GRIP1: variants seen among roughly 807,000 people sequenced by gnomAD.
The protein encoded by GRIP1 is glutamate receptor-interacting protein 1.
A neutral mutation model predicts 129.9 loss-of-function variants in GRIP1; 45 were observed. The observed-to-expected ratio is 0.35, with a 90% CI of 0.27 to 0.44. GRIP1 has a LOEUF of 0.44. GRIP1 is among the 20% of genes least tolerant of loss of function. The pLI, the probability that GRIP1 is intolerant of heterozygous loss-of-function variation, is 1.00. For synonymous variants in GRIP1, 530 were observed against 520.8 expected (o/e 1.02, Z -0.24); for missense variants, 1,196 against 1,396.8 (o/e 0.86, Z 2.29).
chr12:66,728,203 T>C (rs991370252), intron 1 of GRIP1, among the ~76,000 whole-genome samples: 3 of 152,246 alleles, frequency 2.0e-5, no homozygotes, highest in Non-Finnish European at 2.9e-5. Context: ...AATTTCCTTA[T>C]GTTACTTTTT....
intron 1 of GRIP1, among the ~76,000 whole-genome samples, chr12:66,715,377 G>A (rs2035845297): frequency 6.6e-6 from 1 of 151,236 alleles, no homozygotes; most frequent in Non-Finnish European, 1.5e-5. Flanking sequence ...TCACTTATTG[G>A]ATGAACAAAT....
chr12:66,620,221 A>G (rs1370281715), intron 1 of GRIP1, among the ~76,000 whole-genome samples: 1 of 152,216 alleles, frequency 6.6e-6, no homozygotes, highest in Non-Finnish European at 1.5e-5. Context: ...GTCTTAGATT[A>G]AAATGAGTCA....
At position 66,615,101 on chromosome 12, in the gene GRIP1, G is replaced by A. The variant is rs150633576; in HGVS notation, c.56-18174C>T. On this transcript the variant is annotated intron_variant, in intron 1 of 24. Transcript: ENST00000359742. ...CCTTACTAGAGTATAAACTCCATAA[G>A]AGCAGGAGTCTTGTATATTGTCTAT... 1.4e-4 allele frequency among the ~76,000 whole-genome samples: 22 copies of A among 152,208 alleles called. No individual in the cohort carries two copies. The East Asian group carries it at 3.9e-3, about 27-fold the overall frequency.
At position 66,406,311 on chromosome 12, in the gene GRIP1, G is replaced by A; in HGVS notation, c.1956C>T (p.Leu652=). 2 of 1,614,130 alleles carry A rather than the reference G, an allele frequency of 1.2e-6. No homozygotes were observed. The highest frequency in any genetic ancestry group is 1.7e-6 in the Non-Finnish European group (2 of 1,180,000). ...ILQQCEDLVK[L]KIRKDEDNSD... is the part of the protein sequence containing the mutation. Reference sequence around the variant, plus strand: ...AATTATCTTCATCTTTGCGGATTTTGAGCTTCACCAGGTCTTCACATTGCT... The same window carrying A: ...AATTATCTTCATCTTTGCGGATTTTAAGCTTCACCAGGTCTTCACATTGCT... The change falls in exon 16 of 25, where the codon CTC becomes CTT. Residue 652 remains leucine (L), a synonymous_variant. Transcript: ENST00000359742.
At chr12:66,857,791 T>C (rs570353665) in intron 1 of GRIP1, among the ~76,000 whole-genome samples, 3 of 152,062 alleles carry the variant, frequency 2.0e-5, no homozygotes, top group East Asian at 1.9e-4. Context: ...TAAGCTATCA[T>C]AGAAAGAGGA....
intron 1 of GRIP1, among the ~76,000 whole-genome samples, chr12:66,647,830 G>A (rs932706516): frequency 6.6e-6 from 1 of 152,138 alleles, no homozygotes; most frequent in Admixed American, 6.5e-5. Context: ...GATCAGAGAT[G>A]ATGGGTTTTG....
At chr12:66,582,782 C>G (rs1832008093) in intron 2 of GRIP1, among the ~76,000 whole-genome samples, 1 of 145,624 alleles carries the variant, frequency 6.9e-6, no homozygotes, top group Non-Finnish European at 1.5e-5. Context: ...GAAGAACATT[C>G]CATGCTCATG....
intron 1 of GRIP1, among the ~76,000 whole-genome samples, chr12:66,994,835 A>G (rs1433831645): frequency 6.6e-6 from 1 of 152,098 alleles, no homozygotes; most frequent in Non-Finnish European, 1.5e-5. Flanking sequence ...AGAAAATGAC[A>G]AGCTGATTTT....
At chr12:66,710,796 G>A (rs1282828854) in intron 1 of GRIP1, among the ~76,000 whole-genome samples, 2 of 151,810 alleles carry the variant, frequency 1.3e-5, no homozygotes, top group Admixed American at 1.3e-4. Context: ...ACCACATATT[G>A]CTATTCAGGC....
In GRIP1 at chr12:66,348,991, C is replaced by G; in HGVS notation, c.*28G>C. On this transcript the variant is annotated 3_prime_UTR_variant, in exon 25 of 25. Coordinates refer to ENST00000359742, the MANE Select transcript of GRIP1 (RefSeq NM_001366722.1). ...ATTTTTAGCACCATGTAGATATTGT[C>G]TTTTGTCCTGCTTTATAAAAAGCGT... The G allele has an allele frequency of 6.9e-7, 1 of 1,454,828 alleles. No individual in the cohort carries two copies. Among genetic ancestry groups the G allele is most frequent in the Non-Finnish European group, 9.7e-7 (1 of 1,034,222 alleles). The allele number at this position is 1,454,828 out of a possible 1,614,324, so 90.1% of individuals were successfully genotyped here.
chr12:66,803,477 T>C (rs2038914075), intron 1 of GRIP1, among the ~76,000 whole-genome samples: 1 of 152,210 alleles, frequency 6.6e-6, no homozygotes, highest in Non-Finnish European at 1.5e-5. Flanking sequence ...AATATAGACA[T>C]ATTACGGATA....
At chr12:66,636,161 G>A (rs895112544) in intron 1 of GRIP1, among the ~76,000 whole-genome samples, 4 of 152,128 alleles carry the variant, frequency 2.6e-5, no homozygotes, top group Admixed American at 2.6e-4. Flanking sequence ...GGCAAAAAGG[G>A]GCAAATACTG....
intron 9 of GRIP1, among the ~76,000 whole-genome samples, chr12:66,462,013 T>C (rs1208873050): frequency 1.3e-5 from 2 of 152,158 alleles, no homozygotes; most frequent in Non-Finnish European, 2.9e-5. Context: ...GATTTGGGGC[T>C]CAAAGACCCC....
At chr12:66,569,338 G>C (rs1301644498) in intron 2 of GRIP1, 1 of 159,220 alleles carries the variant, frequency 6.3e-6, no homozygotes, top group African/African-American at 2.4e-5. Flanking sequence ...TTAGCTGGGT[G>C]CGGTGGCAGG....
intron 7 of GRIP1, among the ~76,000 whole-genome samples, chr12:66,467,471 GT>G (rs1164176772): frequency 1.3e-5 from 2 of 152,146 alleles, no homozygotes. Flanking sequence ...TCATCTTGGA[GT>G]TTTCAGTGAG....
At chr12:66,730,727 A>G (rs965834134) in intron 1 of GRIP1, among the ~76,000 whole-genome samples, 2 of 148,666 alleles carry the variant, frequency 1.3e-5, no homozygotes, top group African/African-American at 4.9e-5. Flanking sequence ...AAAAACTCAT[A>G]CATGGTATTT....
chr12:66,929,917 C>T (rs1490103907), intron 1 of GRIP1, among the ~76,000 whole-genome samples: 3 of 152,134 alleles, frequency 2.0e-5, no homozygotes, highest in Non-Finnish European at 1.5e-5. Context: ...TGATTGACTA[C>T]ATTTTTCATT....
chr12:66,938,774 T>C (rs190237912), intron 1 of GRIP1, among the ~76,000 whole-genome samples: 58 of 152,096 alleles, frequency 3.8e-4, no homozygotes, highest in Admixed American at 1.3e-3. Flanking sequence ...CTGGCCAACA[T>C]GGTGAAACCC....
chr12:66,808,425 G>A (rs2039039264), upstream of GRIP1, among the ~76,000 whole-genome samples: 1 of 152,034 alleles, frequency 6.6e-6, no homozygotes, highest in Non-Finnish European at 1.5e-5. Context: ...AGCCTCCCGA[G>A]TAGCTAGGAT....
Sources: allele counts gnomAD v4.1 joint callset (sites outside exome capture counted in the v4.1 genomes callset), GRCh38; gene constraint gnomAD v4.1.1; transcripts MANE v1.5; gene names NCBI Gene and HGNC (gene_info 2026-07-23, HGNC 2026-07-21).